MB21D2: variants seen among roughly 807,000 people sequenced by gnomAD.
The protein encoded by MB21D2 is Mab-21 domain containing 2.
Under a neutral mutation model 33.3 loss-of-function variants are expected in MB21D2, and 9 were observed. The observed-to-expected ratio is 0.27, with a 90% CI of 0.16 to 0.47. MB21D2 has a LOEUF of 0.47. MB21D2 is among the 20% of genes least tolerant of loss of function. The pLI is 0.99. For missense variants in MB21D2, 540 were observed against 624.6 expected, an observed-to-expected ratio of 0.86 and a Z score of 1.44; for synonymous variants, 241 against 236.3, an observed-to-expected ratio of 1.02 and a Z score of -0.18.
At chr3:192,894,745 G>A (rs950500595) in intron 1 of MB21D2, among the ~76,000 whole-genome samples, 1 of 151,856 alleles carries the variant, frequency 6.6e-6, no homozygotes, top group African/African-American at 2.4e-5. Context: ...TCCTTTTGCT[G>A]CTTCCCACCC....
At chr3:192,839,136 C>A (rs1712514637) in intron 1 of MB21D2, among the ~76,000 whole-genome samples, 1 of 152,164 alleles carries the variant, frequency 6.6e-6, no homozygotes, top group Non-Finnish European at 1.5e-5. Flanking sequence ...AGATAAAGTA[C>A]ATGACTGCTG....
At chr3:192,837,154 G>GT (rs1712458871) in intron 1 of MB21D2, among the ~76,000 whole-genome samples, 2 of 152,098 alleles carry the variant, frequency 1.3e-5, no homozygotes, top group African/African-American at 4.8e-5. Context: ...GTTGACCAGA[G>GT]TAAGTATTAG....
chr3:192,905,404 C>T (rs1330207635), intron 1 of MB21D2, among the ~76,000 whole-genome samples: 3 of 151,848 alleles, frequency 2.0e-5, no homozygotes, highest in African/African-American at 4.8e-5. Flanking sequence ...TTTAGGAGGC[C>T]GAGGTGGGCG....
chr3:192,848,067 C>T (rs947925276), intron 1 of MB21D2, among the ~76,000 whole-genome samples: 1 of 152,196 alleles, frequency 6.6e-6, no homozygotes, highest in African/African-American at 2.4e-5. Flanking sequence ...GTTCTTCCAT[C>T]TGGTCACATA....
chr3:192,888,124 T>C (rs1045063123), intron 1 of MB21D2, among the ~76,000 whole-genome samples: 1 of 152,092 alleles, frequency 6.6e-6, no homozygotes, highest in Non-Finnish European at 1.5e-5. Context: ...GCACCAGGCA[T>C]CACTATCCAC....
intron 1 of MB21D2, among the ~76,000 whole-genome samples, chr3:192,800,769 T>C (rs1048286068): frequency 9.2e-5 from 14 of 152,204 alleles, no homozygotes; most frequent in African/African-American, 3.4e-4. Context: ...TGGAACGCCA[T>C]TTTTACTTTA....
At chr3:192,880,083 G>A (rs1280157878) in intron 1 of MB21D2, among the ~76,000 whole-genome samples, 2 of 152,080 alleles carry the variant, frequency 1.3e-5, no homozygotes, top group African/African-American at 4.8e-5. Flanking sequence ...AGTGGCTCAC[G>A]TCTGTAATCC....
At chr3:192,832,516 G>C (rs934344259) in intron 1 of MB21D2, among the ~76,000 whole-genome samples, 8 of 152,356 alleles carry the variant, frequency 5.3e-5, no homozygotes, top group Non-Finnish European at 1.0e-4. Flanking sequence ...GTCTCGCCAG[G>C]TGCGGTGGGT....
chr3:192,909,003 C>T (rs1714273821), intron 1 of MB21D2, among the ~76,000 whole-genome samples: 1 of 151,860 alleles, frequency 6.6e-6, no homozygotes, highest in African/African-American at 2.4e-5. Context: ...CGCCTGTAAT[C>T]CCAGCACTTT....
chr3:192,824,101 AG>A (rs1712117466), intron 1 of MB21D2, among the ~76,000 whole-genome samples: 1 of 152,154 alleles, frequency 6.6e-6, no homozygotes. Flanking sequence ...TAAATTCCGA[AG>A]GAAGAATTTA....
chr3:192,908,120 G>A (rs760972297), intron 1 of MB21D2, among the ~76,000 whole-genome samples: 1 of 152,126 alleles, frequency 6.6e-6, no homozygotes, highest in Non-Finnish European at 1.5e-5. Context: ...TCCAGAAAAT[G>A]ATAAAGTATA....
chr3:192,916,098 T>TA (rs1714458733), intron 1 of MB21D2, among the ~76,000 whole-genome samples: 1 of 139,176 alleles, frequency 7.2e-6, no homozygotes, highest in Admixed American at 7.1e-5. Context: ...CTACCAGGTT[T>TA]TATATATATA....
At chr3:192,839,404 C>G (rs1328599990) in intron 1 of MB21D2, among the ~76,000 whole-genome samples, 1 of 152,100 alleles carries the variant, frequency 6.6e-6, no homozygotes, top group Admixed American at 6.5e-5. Flanking sequence ...GTGTTCCTGG[C>G]AATTAGAACT....
At chr3:192,814,201 T>C (rs1218480567) in intron 1 of MB21D2, among the ~76,000 whole-genome samples, 1 of 152,156 alleles carries the variant, frequency 6.6e-6, no homozygotes, top group East Asian at 1.9e-4. Flanking sequence ...AAAGTTGGAA[T>C]GTTTGATACA....
chr3:192,836,319 C>T (rs774777398), intron 1 of MB21D2, among the ~76,000 whole-genome samples: 4 of 152,170 alleles, frequency 2.6e-5, no homozygotes, highest in Admixed American at 1.3e-4. Flanking sequence ...CAAGCCATTG[C>T]GTCACCCAGA....
At chr3:192,828,806 AC>A (rs553367096) in intron 1 of MB21D2, among the ~76,000 whole-genome samples, 1,713 of 149,556 alleles carry the variant, frequency 0.011, 25 homozygotes, top group Non-Finnish European at 0.015. Flanking sequence ...CCGCCATCAC[AC>A]CCGGCTAATT....
chr3:192,917,678 T>G lies in MB21D2; in HGVS notation c.163A>C (p.Arg55=), dbSNP rs758310524. 6.2e-7 allele frequency: 1 copy of G among 1,614,200 alleles called. No individual in the cohort carries two copies. The highest frequency in any genetic ancestry group is 1.1e-5 in the South Asian group (1 of 91,078). The change falls in exon 1 of 2, where the codon AGA becomes CGA. Residue 55 remains arginine, a synonymous_variant. Transcript: ENST00000392452. The stretch of plus-strand genomic sequence containing the variant: ...TTGGCTGTGTGAATCTCCAGCGCTC[T>G]CTGGTCGTCGTATTCCCGCTGGTCG... The part of the protein sequence containing the change: ...KHDQREYDDQ[R]ALEIHTAKDF...
chr3:192,891,781 A>G (rs866803942), intron 1 of MB21D2, among the ~76,000 whole-genome samples: 6 of 152,256 alleles, frequency 3.9e-5, no homozygotes, highest in Middle Eastern at 3.4e-3. Flanking sequence ...GCACAGACCA[A>G]GCTTCAATAA....
chr3:192,885,306 A>G (rs1713707577), intron 1 of MB21D2, among the ~76,000 whole-genome samples: 1 of 152,098 alleles, frequency 6.6e-6, no homozygotes, highest in Non-Finnish European at 1.5e-5. Context: ...TTAATTAACA[A>G]TATTTCTGCT....
Sources: gnomAD v4.1 joint callset for allele counts (sites outside exome capture counted in the v4.1 genomes callset) on GRCh38, gnomAD v4.1.1 for gene constraint, MANE v1.5 for transcripts, NCBI Gene and HGNC (gene_info 2026-07-23, HGNC 2026-07-21) for gene names.